The following PPHLN1 variants were observed in gnomAD, a reference collection of about 807,000 sequenced individuals.
PPHLN1 encodes periphilin-1.
PPHLN1 carries 29 observed loss-of-function variants against 51.3 expected under a neutral mutation model. The observed-to-expected ratio is 0.57, with a 90% CI of 0.42 to 0.77. The LOEUF is 0.77. Among genes scored for constraint, PPHLN1 ranks in the 30% least tolerant of loss-of-function variants. The pLI is 0.00. For synonymous variants in PPHLN1, 147 were observed against 147.8 expected (o/e 0.99, Z 0.04); for missense variants, 436 against 438.4 (o/e 0.99, Z 0.05).
At chr12:42,378,720 G>A (rs1051164048) in intron 5 of PPHLN1, among the ~76,000 whole-genome samples, 4 of 151,790 alleles carry the variant, frequency 2.6e-5, no homozygotes, top group South Asian at 2.1e-4. Context: ...TTCCCATTTT[G>A]TGCTCACATA....
chr12:42,397,834 C>T (rs1010079457), intron 8 of PPHLN1, among the ~76,000 whole-genome samples: 5 of 152,088 alleles, frequency 3.3e-5, no homozygotes, highest in South Asian at 2.1e-4. Context: ...CTCTGCCTCC[C>T]GGGTTCAAGT....
At chr12:42,398,341 C>G (rs1160723948) in intron 8 of PPHLN1, among the ~76,000 whole-genome samples, 1 of 152,000 alleles carries the variant, frequency 6.6e-6, no homozygotes, top group African/African-American at 2.4e-5. Context: ...TCTCATATTC[C>G]CTTTAAATAT....
At chr12:42,383,674 A>G (rs1300948850) in intron 5 of PPHLN1, among the ~76,000 whole-genome samples, 2 of 152,080 alleles carry the variant, frequency 1.3e-5, no homozygotes, top group Non-Finnish European at 2.9e-5. Flanking sequence ...GCTCTGAGCA[A>G]TTGCTGTAGG....
chr12:42,442,748 C>T (rs752585914), downstream of PPHLN1: 1 of 1,612,724 alleles, frequency 6.2e-7, no homozygotes, highest in East Asian at 2.2e-5. Flanking sequence ...GTCAGTAAGT[C>T]ATTGGTGCCC....
At chr12:42,347,191 C>T (rs991236075) in intron 2 of PPHLN1, 7 of 152,178 alleles carry the variant, frequency 4.6e-5, no homozygotes, top group African/African-American at 1.7e-4. Flanking sequence ...TACAAGGCAA[C>T]CTAGAAAGCT....
At chr12:42,442,627 G>A (rs958378566), downstream of PPHLN1, 70 of 1,613,426 alleles carry the variant, frequency 4.3e-5, no homozygotes, top group Non-Finnish European at 5.5e-5. Flanking sequence ...CCTTTCATCC[G>A]GTCGCTCGGC....
intron 9 of PPHLN1, among the ~76,000 whole-genome samples, chr12:42,433,970 A>G (rs1593000899): frequency 1.3e-5 from 2 of 152,162 alleles, no homozygotes; most frequent in Non-Finnish European, 1.5e-5. Flanking sequence ...AACACCACCA[A>G]AAGTTCAGGG....
chr12:42,428,863 G>C (rs2081765160), intron 9 of PPHLN1, among the ~76,000 whole-genome samples: 1 of 146,048 alleles, frequency 6.8e-6, no homozygotes, highest in South Asian at 2.2e-4. Flanking sequence ...CTAAGTGACA[G>C]ATATCGTTTA....
chr12:42,441,246 A>G, intron 9 of PPHLN1, 69 bp from the exon 10 acceptor site: 1 of 1,488,112 alleles, frequency 6.7e-7, no homozygotes, highest in Non-Finnish European at 9.0e-7. Flanking sequence ...AATTCTGCCA[A>G]CTCAGTTAGC....
At chr12:42,391,122 T>A (rs558321940) in intron 7 of PPHLN1, among the ~76,000 whole-genome samples, 4 of 152,314 alleles carry the variant, frequency 2.6e-5, no homozygotes, top group Admixed American at 2.0e-4. Flanking sequence ...GTGAACTCTT[T>A]GATGTAACAT....
chr12:42,383,983 C>CAAAAAAAAAAA (rs61016692), intron 5 of PPHLN1, among the ~76,000 whole-genome samples: 1 of 51,610 alleles, frequency 1.9e-5, no homozygotes, highest in Non-Finnish European at 4.0e-5. Context: ...GACTGTGTCT[C>CAAAAAAAAAAA]AAAAAAAAAA....
intron 4 of PPHLN1, among the ~76,000 whole-genome samples, chr12:42,360,974 C>G (rs1473189813): frequency 5.3e-5 from 8 of 152,128 alleles, no homozygotes; most frequent in Non-Finnish European, 1.0e-4. Context: ...ATTTCCTGTT[C>G]CACTTTCAGC....
intron 9 of PPHLN1, among the ~76,000 whole-genome samples, chr12:42,431,305 TA>T (rs2082017116): frequency 6.6e-6 from 1 of 152,206 alleles, no homozygotes; most frequent in Non-Finnish European, 1.5e-5. Context: ...GGTTGCATAT[TA>T]AAAATGTAAC....
intron 3 of PPHLN1, among the ~76,000 whole-genome samples, chr12:42,352,519 C>A (rs1164230142): frequency 6.6e-6 from 1 of 151,466 alleles, no homozygotes; most frequent in Non-Finnish European, 1.5e-5. Context: ...AAGTGATTCT[C>A]CTGCCTCACC....
intron 4 of PPHLN1, among the ~76,000 whole-genome samples, chr12:42,370,873 A>G (rs2075733444): frequency 6.6e-6 from 1 of 152,120 alleles, no homozygotes; most frequent in Non-Finnish European, 1.5e-5. Context: ...TCTGTTGCCT[A>G]GGCTGGAGTG....
intron 9 of PPHLN1, among the ~76,000 whole-genome samples, chr12:42,423,824 G>A (rs2081205218): frequency 6.6e-6 from 1 of 151,970 alleles, no homozygotes; most frequent in Non-Finnish European, 1.5e-5. Flanking sequence ...CTACAGGCAT[G>A]AGCCACCACA....
chr12:42,393,434 A>G (rs961066800), intron 7 of PPHLN1, 136 bp from the exon 8 acceptor site: 1 of 783,188 alleles, frequency 1.3e-6, no homozygotes, highest in Non-Finnish European at 1.9e-6. Flanking sequence ...TTGAAGGAGG[A>G]AATAAAGAAT....
At chr12:42,327,763 C>A (rs1230507626) in intron 1 of PPHLN1, among the ~76,000 whole-genome samples, 2 of 152,156 alleles carry the variant, frequency 1.3e-5, no homozygotes, top group African/African-American at 4.8e-5. Context: ...TAATACAGTT[C>A]TTGGCACATA....
downstream of PPHLN1, chr12:42,444,091 T>C (rs2140034773): frequency 6.6e-6 from 1 of 152,306 alleles, no homozygotes; most frequent in Non-Finnish European, 1.5e-5. Flanking sequence ...CTTTTGAGTT[T>C]ATATGCCTCT....
Sources: allele counts gnomAD v4.1 joint callset (sites outside exome capture counted in the v4.1 genomes callset), GRCh38; gene constraint gnomAD v4.1.1; transcripts MANE v1.5; gene names NCBI Gene and HGNC (gene_info 2026-07-23, HGNC 2026-07-21).